SPATS2L: variants seen among roughly 807,000 people sequenced by gnomAD.
The protein encoded by SPATS2L is spermatogenesis associated serine rich 2 like, also known as SPATS2-like protein.
A neutral mutation model predicts 59.6 loss-of-function variants in SPATS2L; 30 were observed. The ratio of observed to expected loss-of-function variants is 0.50; its 90% CI spans 0.38 to 0.68. The LOEUF (loss-of-function observed/expected upper bound fraction) is 0.68, where lower values mean the gene tolerates loss of function less well. Ranked by LOEUF, SPATS2L falls within the 30% of genes least tolerant of loss-of-function variation. The pLI is 0.00. For missense variants in SPATS2L, 615 were observed against 700.0 expected (o/e 0.88, Z 1.37); for synonymous variants, 252 against 263.5 (o/e 0.96, Z 0.42).
chr2:200,331,197 G>A (rs886706991), intron 2 of SPATS2L, among the ~76,000 whole-genome samples: 19 of 152,176 alleles, frequency 1.2e-4, no homozygotes, highest in African/African-American at 4.6e-4. Context: ...GGACACATAA[G>A]CCATATAAAT....
chr2:200,386,717 C>T (rs897936249), intron 2 of SPATS2L, among the ~76,000 whole-genome samples: 8 of 152,178 alleles, frequency 5.3e-5, no homozygotes, highest in Non-Finnish European at 1.2e-4. Flanking sequence ...ATCAGCTGAT[C>T]TGGTCTAATG....
intron 8 of SPATS2L, among the ~76,000 whole-genome samples, chr2:200,456,791 T>C (rs2085862760): frequency 6.6e-6 from 1 of 152,186 alleles, no homozygotes; most frequent in Non-Finnish European, 1.5e-5. Context: ...TGCAGCAGTA[T>C]TTCCCTTAGT....
intron 2 of SPATS2L, among the ~76,000 whole-genome samples, chr2:200,357,734 A>T (rs1574483770): frequency 6.6e-6 from 1 of 151,992 alleles, no homozygotes; most frequent in South Asian, 2.1e-4. Flanking sequence ...GGTTTAGATC[A>T]ATCTGCATTC....
chr2:200,435,005 A>G (rs982701126), intron 6 of SPATS2L, among the ~76,000 whole-genome samples: 16 of 152,204 alleles, frequency 1.1e-4, no homozygotes, highest in African/African-American at 3.1e-4. Flanking sequence ...AGTCACGCAT[A>G]TAGTCAGTTA....
chr2:200,354,049 G>A (rs2080827409), intron 2 of SPATS2L, among the ~76,000 whole-genome samples: 1 of 152,160 alleles, frequency 6.6e-6, no homozygotes, highest in Non-Finnish European at 1.5e-5. Flanking sequence ...GCATGTTGGA[G>A]CAAACTTAAG....
At chr2:200,352,313 T>TTATA (rs869105613) in intron 2 of SPATS2L, among the ~76,000 whole-genome samples, 1 of 8,648 alleles carries the variant, frequency 1.2e-4, no homozygotes, top group Admixed American at 3.6e-3. Context: ...CCAGCAGTTT[T>TTATA]TATATATATA....
chr2:200,391,337 G>T (rs1175543812), intron 3 of SPATS2L, among the ~76,000 whole-genome samples: 1 of 152,182 alleles, frequency 6.6e-6, no homozygotes, highest in Non-Finnish European at 1.5e-5. Flanking sequence ...AATGTTATTT[G>T]ATGTGTTAAT....
rs2087722695 is a variant in SPATS2L, at chr2:200,479,248, T to G, written c.*1217T>G. ...CTTAGCTCTCCTTTCCTCCTTGGGT[T>G]GACATTGCATTCAGAATTGTGGCAA... On this transcript the variant is annotated 3_prime_UTR_variant, in exon 13 of 13. Coordinates refer to ENST00000409140, the MANE Select transcript of SPATS2L (RefSeq NM_001100423.2). 3.7e-6 allele frequency: 1 copy of G among 267,656 alleles called. No homozygotes were observed. The highest frequency in any genetic ancestry group is 2.2e-5 in the African/African-American group (1 of 46,014). 16.6% of individuals were successfully genotyped at this position (267,656 alleles called of 1,614,324 possible). A position where few individuals can be genotyped will look rare whatever the true frequency, so the allele number is the denominator to read the frequency against.
rs1256273570 is a variant in SPATS2L, at chr2:200,480,917, T to G, written c.*2886T>G. 6.6e-6 allele frequency: 1 copy of G among 152,220 alleles called. No homozygotes were observed. The highest frequency in any genetic ancestry group is 1.5e-5 in the Non-Finnish European group (1 of 68,032). 9.4% of individuals were successfully genotyped at this position (152,220 alleles called of 1,614,324 possible). A position where few individuals can be genotyped will look rare whatever the true frequency, so the allele number is the denominator to read the frequency against. On this transcript the variant is annotated 3_prime_UTR_variant, in exon 13 of 13. Transcript: ENST00000409140. ...AGTAGTCAGATTATTCTCTTAAACA[T>G]TTGCCTAGTAGAGGTTAAAATAGTT... is the stretch of plus-strand genomic sequence containing the variant.
chr2:200,359,040 C>G (rs2081013009), intron 2 of SPATS2L, among the ~76,000 whole-genome samples: 1 of 151,920 alleles, frequency 6.6e-6, no homozygotes, highest in South Asian at 2.1e-4. Flanking sequence ...AGGTTAGAGG[C>G]TGAGCCCCAA....
intron 1 of SPATS2L, among the ~76,000 whole-genome samples, chr2:200,316,179 A>G (rs1007571346): frequency 1.3e-5 from 2 of 152,164 alleles, no homozygotes; most frequent in African/African-American, 4.8e-5. Context: ...TATAAAGAGA[A>G]CAGTCCAGTG....
chr2:200,370,866 C>T (rs1002851848), intron 2 of SPATS2L, among the ~76,000 whole-genome samples: 2 of 152,126 alleles, frequency 1.3e-5, no homozygotes, highest in African/African-American at 2.4e-5. Flanking sequence ...AAATGGACAG[C>T]TAAAGTGGAA....
intron 3 of SPATS2L, among the ~76,000 whole-genome samples, chr2:200,402,892 A>G (rs2082575584): frequency 6.6e-6 from 1 of 152,262 alleles, no homozygotes; most frequent in South Asian, 2.1e-4. Context: ...CAAAATTGGA[A>G]GGAATGGCTG....
chr2:200,436,926 G>T (rs1417619919), intron 6 of SPATS2L, among the ~76,000 whole-genome samples: 1 of 152,136 alleles, frequency 6.6e-6, no homozygotes, highest in South Asian at 2.1e-4. Flanking sequence ...TCCCCTTGGT[G>T]ATAAGCGAGT....
chr2:200,405,926 C>A (rs183380548), intron 3 of SPATS2L, among the ~76,000 whole-genome samples: 1 of 152,154 alleles, frequency 6.6e-6, no homozygotes, highest in Admixed American at 6.5e-5. Context: ...GGGCTTGAAT[C>A]CATTAAGCTT....
At chr2:200,312,691 T>G (rs1301456581) in intron 1 of SPATS2L, among the ~76,000 whole-genome samples, 1 of 152,202 alleles carries the variant, frequency 6.6e-6, no homozygotes, top group African/African-American at 2.4e-5. Context: ...GCTAGTAATT[T>G]GTAGAGCTGG....
At chr2:200,364,842 C>G (rs529956714) in intron 2 of SPATS2L, among the ~76,000 whole-genome samples, 11 of 152,194 alleles carry the variant, frequency 7.2e-5, no homozygotes, top group African/African-American at 2.6e-4. Flanking sequence ...CAGGGCAGTC[C>G]CAGGTGGGTT....
chr2:200,329,495 T>A lies in SPATS2L; in HGVS notation c.-23+15T>A. ...TGGATTCCCAGGTGAGTAGAGATGG[T>A]CCTTCCCTCTCTGTGACCTCCTCCT... On this transcript the variant is annotated intron_variant, in intron 2 of 12. Coordinates refer to ENST00000409140, the MANE Select transcript of SPATS2L (RefSeq NM_001100423.2). The A allele has an allele frequency of 6.5e-7, 1 of 1,546,558 alleles. No individual in the cohort carries two copies.
intron 1 of SPATS2L, among the ~76,000 whole-genome samples, chr2:200,318,810 A>G (rs757391484): frequency 5.9e-5 from 9 of 152,196 alleles, no homozygotes; most frequent in Non-Finnish European, 4.4e-5. Flanking sequence ...CATCTCACCA[A>G]ATGCAGGAAT....
Sources: allele counts gnomAD v4.1 joint callset (sites outside exome capture counted in the v4.1 genomes callset), GRCh38; gene constraint gnomAD v4.1.1; transcripts MANE v1.5; gene names NCBI Gene and HGNC (gene_info 2026-07-23, HGNC 2026-07-21).